SIPA1L2: variants seen among roughly 807,000 people sequenced by gnomAD.
SIPA1L2 encodes the protein signal-induced proliferation-associated 1-like protein 2.
A neutral mutation model predicts 163.9 loss-of-function variants in SIPA1L2; 56 were observed. That is an observed-to-expected ratio of 0.34 (90% CI 0.28 to 0.43). SIPA1L2 has a LOEUF of 0.43. Among genes scored for constraint, SIPA1L2 ranks in the 20% least tolerant of loss-of-function variants. SIPA1L2 has a pLI of 1.00. For synonymous variants in SIPA1L2, 877 were observed against 865.7 expected (o/e 1.01, Z -0.23); for missense variants, 1,974 against 2,193.5 (o/e 0.90, Z 2.00).
At chr1:232,522,431 C>T (rs1024214462) in intron 2 of SIPA1L2, among the ~76,000 whole-genome samples, 7 of 151,594 alleles carry the variant, frequency 4.6e-5, no homozygotes, top group Non-Finnish European at 5.9e-5. Flanking sequence ...CCTCAGTTCA[C>T]GTATCATGTT....
intron 3 of SIPA1L2, among the ~76,000 whole-genome samples, chr1:232,501,851 G>A (rs571956112): frequency 1.3e-5 from 2 of 152,330 alleles, no homozygotes; most frequent in East Asian, 3.9e-4. Flanking sequence ...GGGGACGCAG[G>A]AGGCCGGCTC....
intron 7 of SIPA1L2, among the ~76,000 whole-genome samples, chr1:232,478,607 T>G (rs1475579811): frequency 6.6e-6 from 1 of 152,260 alleles, no homozygotes; most frequent in Non-Finnish European, 1.5e-5. Flanking sequence ...TAGTCCTTGG[T>G]GCTTTAATAT....
rs374816938 is a variant in SIPA1L2, at chr1:232,425,828, C to A, written c.4411-20G>T. On this transcript the variant is annotated intron_variant, in intron 17 of 22. Coordinates refer to ENST00000674635, the MANE Select transcript of SIPA1L2 (RefSeq NM_020808.5). Reference sequence around the variant, plus strand: ...CGAAAACTAGGGTTTAAACAAGGTGCGAGGAGGGAACAGACATTAAAAAAA... The same window carrying A: ...CGAAAACTAGGGTTTAAACAAGGTGAGAGGAGGGAACAGACATTAAAAAAA... The A allele has an allele frequency of 6.2e-7, 1 of 1,605,040 alleles. No homozygotes were observed. The highest frequency in any genetic ancestry group is 8.5e-7 in the Non-Finnish European group (1 of 1,173,104).
At chr1:232,573,539 G>A (rs1659918565) in intron 2 of SIPA1L2, among the ~76,000 whole-genome samples, 1 of 152,166 alleles carries the variant, frequency 6.6e-6, no homozygotes, top group African/African-American at 2.4e-5. Flanking sequence ...AAATGTCCTG[G>A]GGGTGGTTAC....
chr1:232,524,981 T>G (rs897826412), intron 2 of SIPA1L2, among the ~76,000 whole-genome samples: 2 of 152,088 alleles, frequency 1.3e-5, no homozygotes, highest in East Asian at 1.9e-4. Context: ...TTTTTTAAGA[T>G]CCTTCATAAA....
intron 2 of SIPA1L2, among the ~76,000 whole-genome samples, chr1:232,531,683 AG>A: frequency 6.6e-6 from 1 of 152,306 alleles, no homozygotes; most frequent in Middle Eastern, 3.4e-3. Flanking sequence ...TAATGTGGAT[AG>A]GTAGAATGCA....
chr1:232,542,212 T>C (rs538775840), intron 2 of SIPA1L2, among the ~76,000 whole-genome samples: 24 of 152,340 alleles, frequency 1.6e-4, no homozygotes, highest in African/African-American at 5.5e-4. Context: ...AAAATGATCA[T>C]TTTAAATAAT....
At chr1:232,505,634 G>A (rs1050366589) in intron 3 of SIPA1L2, among the ~76,000 whole-genome samples, 5 of 152,306 alleles carry the variant, frequency 3.3e-5, no homozygotes, top group Admixed American at 2.0e-4. Flanking sequence ...CTCTGCAAGA[G>A]AGAAAGCCCC....
chr1:232,617,338 A>G (rs1489798641), intron 1 of SIPA1L2, among the ~76,000 whole-genome samples: 2 of 152,218 alleles, frequency 1.3e-5, no homozygotes, highest in Non-Finnish European at 2.9e-5. Context: ...GAAACTGCCA[A>G]ATCAGATAGG....
rs192198048 is a variant in SIPA1L2, at chr1:232,404,001, C to T, written c.4816+124G>A. ...GGTTCTGGAGACAGAACAGCCAGGA[C>T]ACATGTCCCGCTGTGCACCCCCAAC... On this transcript the variant is annotated intron_variant, in intron 20 of 22. Transcript: ENST00000674635. The T allele has an allele frequency of 1.1e-4, 116 of 1,038,974 alleles. No homozygotes were observed. In the Admixed American group the frequency reaches 1.2e-3, roughly 11 times the overall value. 64.4% of individuals were successfully genotyped at this position (1,038,974 alleles called of 1,614,324 possible).
At chr1:232,517,210 C>T (rs1233287614) in intron 2 of SIPA1L2, among the ~76,000 whole-genome samples, 2 of 152,186 alleles carry the variant, frequency 1.3e-5, no homozygotes, top group African/African-American at 4.8e-5. Context: ...TTTGAAACTC[C>T]TTTATCCTTT....
intron 2 of SIPA1L2, chr1:232,561,508 C>G (rs1047005011): frequency 6.6e-6 from 1 of 152,142 alleles, no homozygotes; most frequent in South Asian, 2.1e-4. Flanking sequence ...ACATGTTCAT[C>G]CGATGTCCTT....
intron 1 of SIPA1L2, among the ~76,000 whole-genome samples, chr1:232,592,048 C>T (rs993600745): frequency 1.3e-5 from 2 of 152,026 alleles, no homozygotes; most frequent in Admixed American, 1.3e-4. Flanking sequence ...TAGGAAGGGG[C>T]TACCAGAATA....
intron 6 of SIPA1L2, among the ~76,000 whole-genome samples, chr1:232,480,371 A>G (rs1665284719): frequency 6.6e-6 from 1 of 152,198 alleles, no homozygotes; most frequent in Admixed American, 6.5e-5. Context: ...CCATGAATGA[A>G]GAATATGGAG....
intron 2 of SIPA1L2, among the ~76,000 whole-genome samples, chr1:232,519,545 C>A (rs1337509418): frequency 1.3e-5 from 2 of 152,214 alleles, no homozygotes; most frequent in African/African-American, 4.8e-5. Flanking sequence ...AGGGCCCACA[C>A]ATGCCTTCTT....
intron 11 of SIPA1L2, among the ~76,000 whole-genome samples, chr1:232,444,547 G>A (rs1663093033): frequency 6.6e-6 from 1 of 152,142 alleles, no homozygotes; most frequent in Admixed American, 6.5e-5. Flanking sequence ...ATTGGAGAAG[G>A]GAGAGGATGA....
intron 18 of SIPA1L2, among the ~76,000 whole-genome samples, chr1:232,422,013 G>C (rs1277209417): frequency 6.6e-6 from 1 of 152,102 alleles, no homozygotes; most frequent in Admixed American, 6.5e-5. Context: ...ATGAACCCAG[G>C]TGTCTACCTG....
chr1:232,407,404 T>G (rs2102754436), intron 19 of SIPA1L2, among the ~76,000 whole-genome samples: 1 of 152,332 alleles, frequency 6.6e-6, no homozygotes, highest in South Asian at 2.1e-4. Context: ...TTTATCAACT[T>G]TAAGCTGAAG....
intron 2 of SIPA1L2, among the ~76,000 whole-genome samples, chr1:232,573,077 G>C (rs374414549): frequency 2.6e-5 from 4 of 151,816 alleles, no homozygotes; most frequent in Non-Finnish European, 5.9e-5. Flanking sequence ...CACTGTGCCC[G>C]GCCCCCCAAA....
Sources: allele counts gnomAD v4.1 joint callset (sites outside exome capture counted in the v4.1 genomes callset), GRCh38; gene constraint gnomAD v4.1.1; transcripts MANE v1.5; gene names NCBI Gene and HGNC (gene_info 2026-07-23, HGNC 2026-07-21).